THRB: variants seen among roughly 807,000 people sequenced by gnomAD.
THRB encodes the protein nuclear receptor subfamily 1 group A member 2.
A neutral mutation model predicts 47.8 loss-of-function variants in THRB; 12 were observed. The observed-to-expected ratio is 0.25, with a 90% confidence interval of 0.16 to 0.41. The LOEUF is 0.41. THRB is among the 10% of genes least tolerant of loss of function. THRB has a pLI of 1.00. For missense variants in THRB, 348 were observed against 589.2 expected, an observed-to-expected ratio of 0.59 and a Z score of 4.24; for synonymous variants, 218 against 212.2, an observed-to-expected ratio of 1.03 and a Z score of -0.24.
chr3:24,492,587 A>G (rs1698323096), intron 1 of THRB, among the ~76,000 whole-genome samples: 1 of 152,188 alleles, frequency 6.6e-6, no homozygotes, highest in South Asian at 2.1e-4. Context: ...GCTCCACACA[A>G]CTCATGCTTT....
chr3:24,357,036 C>T (rs1155071), intron 1 of THRB, among the ~76,000 whole-genome samples: 2,060 of 151,504 alleles, frequency 0.014, 21 homozygotes, highest in South Asian at 0.034. Flanking sequence ...CCATGATTCT[C>T]GGTGACCTAT....
At chr3:24,263,547 T>C (rs2052312786) in intron 3 of THRB, among the ~76,000 whole-genome samples, 1 of 151,862 alleles carries the variant, frequency 6.6e-6, no homozygotes, top group African/African-American at 2.4e-5. Flanking sequence ...TCAATTATTT[T>C]TGGAGATTAT....
chr3:24,297,662 G>A (rs1416931323), intron 2 of THRB, among the ~76,000 whole-genome samples: 2 of 152,162 alleles, frequency 1.3e-5, no homozygotes, highest in South Asian at 2.1e-4. Context: ...CACTGTTCTC[G>A]CCTGCTGTTA....
At chr3:24,344,913 G>T (rs1399445175) in intron 1 of THRB, among the ~76,000 whole-genome samples, 2 of 151,960 alleles carry the variant, frequency 1.3e-5, no homozygotes, top group African/African-American at 4.8e-5. Context: ...AATGACTAAA[G>T]TACTCTGACT....
intron 1 of THRB, among the ~76,000 whole-genome samples, chr3:24,354,401 T>C (rs2063542130): frequency 6.6e-6 from 1 of 152,182 alleles, no homozygotes; most frequent in African/African-American, 2.4e-5. Flanking sequence ...TTAAAGGAAC[T>C]TCAAATGCTA....
intron 9 of THRB, among the ~76,000 whole-genome samples, chr3:24,128,754 A>G (rs2033330696): frequency 9.2e-6 from 1 of 108,110 alleles, no homozygotes; most frequent in Non-Finnish European, 1.8e-5. Flanking sequence ...TGAGAGGGTA[A>G]CAAGCTGGGT....
At chr3:24,154,015 A>C (rs1359729174) in intron 5 of THRB, among the ~76,000 whole-genome samples, 1 of 152,222 alleles carries the variant, frequency 6.6e-6, no homozygotes, top group Non-Finnish European at 1.5e-5. Flanking sequence ...AAGGAAACAG[A>C]ATGAAATAAA....
intron 1 of THRB, among the ~76,000 whole-genome samples, chr3:24,426,544 C>T (rs2069779922): frequency 6.6e-6 from 1 of 151,908 alleles, no homozygotes; most frequent in South Asian, 2.1e-4. Context: ...ATCCTAGAAA[C>T]CCACCTTCAG....
intron 8 of THRB, among the ~76,000 whole-genome samples, chr3:24,135,847 A>ATATATATATATAAATT (rs371175625): frequency 9.5e-4 from 125 of 130,968 alleles, no homozygotes; most frequent in South Asian, 1.4e-3. Context: ...ATATATATAT[A>ATATATATATATAAATT]ATACATAAAT....
In THRB at chr3:24,299,249, T is replaced by TAAA. The variant is rs36061929; in HGVS notation, c.-188-1881_-188-1879dup. Among the ~76,000 whole-genome samples, 453 of 70,018 alleles carry TAAA rather than the reference T, an allele frequency of 6.5e-3. 14 individuals carry two copies. Among genetic ancestry groups the TAAA allele is most frequent in the African/African-American group, 0.024 (385 of 16,148 alleles). The allele number at this position is 70,018 out of a possible 152,430, so 45.9% of individuals were successfully genotyped here. A position where few individuals can be genotyped will look rare whatever the true frequency, so the allele number is the denominator to read the frequency against. On this transcript the variant is annotated intron_variant, in intron 2 of 10. Transcript: ENST00000646209. ...GGCGACCGAGTGAGACTCAGTCTCATAAAAAAAAAAAAAAAAAAAAAAAAG... is the reference window on the plus strand; with the variant it reads ...GGCGACCGAGTGAGACTCAGTCTCATAAAAAAAAAAAAAAAAAAAAAAAAAAAG...
chr3:24,424,539 G>A (rs1037061278), intron 1 of THRB, among the ~76,000 whole-genome samples: 6 of 151,846 alleles, frequency 4.0e-5, no homozygotes, highest in Admixed American at 6.6e-5. Context: ...AGGGGGTGGG[G>A]CCCAGCCTCC....
At chr3:24,267,693 G>A (rs973302390) in intron 3 of THRB, among the ~76,000 whole-genome samples, 1 of 152,154 alleles carries the variant, frequency 6.6e-6, no homozygotes, top group Non-Finnish European at 1.5e-5. Flanking sequence ...CGGTAGGTTG[G>A]TTTAGCCAGA....
At chr3:24,261,453 C>G (rs1005967199) in intron 3 of THRB, among the ~76,000 whole-genome samples, 1 of 137,846 alleles carries the variant, frequency 7.3e-6, no homozygotes, top group Non-Finnish European at 1.5e-5. Context: ...GAGCGGAGAT[C>G]GTGCCACTGC....
chr3:24,199,128 T>C (rs908751632), intron 4 of THRB, among the ~76,000 whole-genome samples: 1 of 152,178 alleles, frequency 6.6e-6, no homozygotes, highest in Admixed American at 6.5e-5. Context: ...TTTCATACAT[T>C]ATTTTATCTA....
At position 24,269,277 on chromosome 3, in the gene THRB, CCACACACACACACACACACA is replaced by C. The variant is rs4024153; in HGVS notation, c.-43+27929_-43+27948del. On this transcript the variant is annotated intron_variant, in intron 3 of 10. Coordinates refer to ENST00000646209, the MANE Select transcript of THRB (RefSeq NM_001354712.2). The stretch of plus-strand genomic sequence containing the variant: ...CCATAGGCTTATTAAAATGGATACA[CCACACACACACACACACACA>C]CACACACACACACACACACACACAC... Among the ~76,000 whole-genome samples the C allele has an allele frequency of 8.5e-3, 1,202 of 140,752 alleles. 9 individuals carry two copies. Among genetic ancestry groups the C allele is most frequent in the African/African-American group, 0.016 (600 of 37,144 alleles). 92.3% of individuals were successfully genotyped at this position (140,752 alleles called of 152,430 possible).
At chr3:24,388,417 C>T (rs1163653493) in intron 1 of THRB, among the ~76,000 whole-genome samples, 1 of 152,112 alleles carries the variant, frequency 6.6e-6, no homozygotes, top group Admixed American at 6.5e-5. Flanking sequence ...CTTTCTAGAG[C>T]GCCTAACCTG....
chr3:24,447,305 G>A (rs1386417083), intron 1 of THRB, among the ~76,000 whole-genome samples: 1 of 152,064 alleles, frequency 6.6e-6, no homozygotes, highest in Non-Finnish European at 1.5e-5. Flanking sequence ...TGAATATTTT[G>A]TACTCTGTAA....
intron 1 of THRB, among the ~76,000 whole-genome samples, chr3:24,364,513 C>T (rs1274578163): frequency 6.6e-6 from 1 of 152,050 alleles, no homozygotes; most frequent in African/African-American, 2.4e-5. Context: ...TGTTGTCATC[C>T]CCATTTTACA....
chr3:24,253,376 G>C (rs1166112137), intron 3 of THRB, among the ~76,000 whole-genome samples: 4 of 152,120 alleles, frequency 2.6e-5, no homozygotes, highest in Non-Finnish European at 5.9e-5. Context: ...CCAGACAATG[G>C]AGATACAGCA....
Sources: allele counts gnomAD v4.1 joint callset (sites outside exome capture counted in the v4.1 genomes callset), GRCh38; gene constraint gnomAD v4.1.1; transcripts MANE v1.5; gene names NCBI Gene and HGNC (gene_info 2026-07-23, HGNC 2026-07-21).